DNAH8: variants seen among roughly 807,000 people sequenced by gnomAD.
DNAH8 encodes the protein dynein axonemal heavy chain 8, also known as axonemal beta dynein heavy chain 8.
A neutral mutation model predicts 562.1 loss-of-function variants in DNAH8; 382 were observed. The observed-to-expected ratio is 0.68, with a 90% CI of 0.63 to 0.74. The LOEUF (loss-of-function observed/expected upper bound fraction) is 0.74. Among genes scored for constraint, DNAH8 ranks in the 30% least tolerant of loss-of-function variants. The probability of loss-of-function intolerance (pLI) is 0.00; values close to 1 mark genes in which losing one functional copy is unlikely to be tolerated. For synonymous variants in DNAH8, 1,881 were observed against 1,919.4 expected (o/e 0.98, Z 0.52); for missense variants, 5,203 against 5,620.4 (o/e 0.93, Z 2.37).
chr6:38,783,494 A>C (rs1001917040), intron 17 of DNAH8, among the ~76,000 whole-genome samples: 2 of 152,138 alleles, frequency 1.3e-5, no homozygotes, highest in African/African-American at 4.8e-5. Flanking sequence ...GAGAGAAAAA[A>C]TTGCATCCTG....
At position 38,815,066 on chromosome 6, in the gene DNAH8, A is replaced by G. The variant is rs147366710; in HGVS notation, c.3334-402A>G. On this transcript the variant is annotated intron_variant, in intron 25 of 92. Coordinates refer to ENST00000327475, the MANE Select transcript of DNAH8 (RefSeq NM_001206927.2). The stretch of plus-strand genomic sequence containing the variant: ...TGGCACATTTCAAAGAACTGAGGTC[A>G]GAATCTTGGTGGTGTAGCTTCTTCA... Among the ~76,000 whole-genome samples the G allele has an allele frequency of 3.2e-3, 487 of 152,372 alleles. 2 individuals carry two copies. Among genetic ancestry groups the G allele is most frequent in the Admixed American group, 5.7e-3 (88 of 15,306 alleles).
At chr6:38,774,047 C>A (rs1440182263) in intron 12 of DNAH8, among the ~76,000 whole-genome samples, 2 of 152,136 alleles carry the variant, frequency 1.3e-5, no homozygotes, top group African/African-American at 4.8e-5. Context: ...TGAAACACAT[C>A]TTTTTATGGC....
chr6:38,902,358 G>T (rs770925889), intron 62 of DNAH8, among the ~76,000 whole-genome samples: 9 of 152,028 alleles, frequency 5.9e-5, no homozygotes, highest in Non-Finnish European at 1.3e-4. Flanking sequence ...GGCATCTCAT[G>T]GTGGATTAGA....
At chr6:38,819,010 G>T (rs1350001497) in intron 26 of DNAH8, among the ~76,000 whole-genome samples, 1 of 152,148 alleles carries the variant, frequency 6.6e-6, no homozygotes, top group Admixed American at 6.5e-5. Flanking sequence ...CAAACACAGT[G>T]CTGCCAGATG....
At chr6:38,857,918 A>G (rs1563015005) in intron 42 of DNAH8, among the ~76,000 whole-genome samples, 176 bp downstream of exon 42, 2 of 152,198 alleles carry the variant, frequency 1.3e-5, no homozygotes, top group African/African-American at 2.4e-5. Flanking sequence ...CAACCATATT[A>G]TATATTCATT....
At position 38,978,333 on chromosome 6, in the gene DNAH8, C is replaced by T. The variant is rs563035215; in HGVS notation, c.12834+3804C>T. On this transcript the variant is annotated intron_variant, in intron 85 of 92. Coordinates refer to ENST00000327475, the MANE Select transcript of DNAH8 (RefSeq NM_001206927.2). ...ATCTCACTATTAACAGTTCTTCATT[C>T]GGAAAAGTGTTTGCTTCCCCTACAT... Among the ~76,000 whole-genome samples, 6 of 152,254 alleles carry T rather than the reference C, an allele frequency of 3.9e-5. No homozygotes were observed. The South Asian group carries it at 1.2e-3, about 32-fold the overall frequency.
chr6:38,936,622 A>C (rs959451538), intron 77 of DNAH8, among the ~76,000 whole-genome samples: 1 of 152,264 alleles, frequency 6.6e-6, no homozygotes, highest in East Asian at 1.9e-4. Flanking sequence ...GCCTACTCGC[A>C]CTGCTCCCGC....
At chr6:38,904,667 C>T (rs1248352059) in intron 62 of DNAH8, among the ~76,000 whole-genome samples, 1 of 151,732 alleles carries the variant, frequency 6.6e-6, no homozygotes, top group Non-Finnish European at 1.5e-5. Context: ...TGACAGGCGC[C>T]TGTAATCCCA....
chr6:38,919,419 A>AT (rs983208271), intron 70 of DNAH8, among the ~76,000 whole-genome samples: 3 of 151,324 alleles, frequency 2.0e-5, no homozygotes, highest in Admixed American at 6.6e-5. Flanking sequence ...GATTCTTAAT[A>AT]TTTTTTTTTA....
intron 42 of DNAH8, among the ~76,000 whole-genome samples, chr6:38,858,735 T>C (rs1776387713): frequency 6.6e-6 from 1 of 152,234 alleles, no homozygotes; most frequent in Non-Finnish European, 1.5e-5. Flanking sequence ...ATCAGAAAGC[T>C]GCACACTTAT....
In DNAH8 at chr6:38,783,034, G is replaced by A. The variant is rs199536824; in HGVS notation, c.2290G>A (p.Gly764Ser). The A allele has an allele frequency of 2.7e-5, 43 of 1,613,700 alleles. No homozygotes were observed. The highest frequency in any genetic ancestry group is 2.0e-4 in the East Asian group (9 of 44,860). The change falls in exon 17 of 93, where the codon GGT becomes AGT. Residue 764 changes from glycine to serine, a missense_variant. Physicochemically the swap from Gly to Ser is moderately conservative, Grantham distance 56. Transcript: ENST00000327475. ...KNSDILSSPD[G>S]KAVIRQYNKI... ...CTCAGACATTTTATCAAGTCCGGACGGTAAAGCTGTCATCCGTCAGTATAA... is the reference window on the plus strand; with the variant it reads ...CTCAGACATTTTATCAAGTCCGGACAGTAAAGCTGTCATCCGTCAGTATAA...
At chr6:38,749,346 G>A (rs1237846441) in intron 8 of DNAH8, among the ~76,000 whole-genome samples, 3 of 151,942 alleles carry the variant, frequency 2.0e-5, no homozygotes, top group Admixed American at 6.6e-5. Flanking sequence ...CACAGGGAGG[G>A]GAACATCACA....
At chr6:38,926,350 AT>A in intron 74 of DNAH8, 140 bp downstream of exon 74, 3 of 846,102 alleles carry the variant, frequency 3.5e-6, no homozygotes, top group Non-Finnish European at 5.4e-6. Flanking sequence ...TGTAACAGCA[AT>A]TTGGGGCAAC....
intron 24 of DNAH8, 60 bp downstream of exon 24, chr6:38,807,776 CTT>C (rs1445459671): frequency 1.2e-5 from 10 of 818,326 alleles, no homozygotes; most frequent in Admixed American, 3.2e-5. Context: ...AATAGCACCT[CTT>C]ATAAATTTAT....
At chr6:38,881,561 T>TTA (rs1329192536) in intron 53 of DNAH8, among the ~76,000 whole-genome samples, 1 of 151,544 alleles carries the variant, frequency 6.6e-6, no homozygotes, top group African/African-American at 2.4e-5. Flanking sequence ...TTTTTTTTTT[T>TTA]TTTTTTGAGA....
intron 3 of DNAH8, among the ~76,000 whole-genome samples, chr6:38,726,663 G>C (rs1374737452): frequency 6.6e-6 from 1 of 152,062 alleles, no homozygotes; most frequent in Admixed American, 6.5e-5. Flanking sequence ...TACCCAGTAG[G>C]GAAACCAGTG....
At chr6:38,951,295 G>T in intron 81 of DNAH8, 23 bp from the exon 82 acceptor site, 1 of 1,603,928 alleles carries the variant, frequency 6.2e-7, no homozygotes, top group Non-Finnish European at 8.5e-7. Flanking sequence ...AGTTTATTTC[G>T]CCTAACTTGT....
At position 38,822,053 on chromosome 6, in the gene DNAH8, G is replaced by A. The variant is rs57321692; in HGVS notation, c.3524-785G>A. On this transcript the variant is annotated intron_variant, in intron 26 of 92. Coordinates refer to ENST00000327475, the MANE Select transcript of DNAH8 (RefSeq NM_001206927.2). The stretch of plus-strand genomic sequence containing the variant: ...ACACAGGCCGATTCCTCCACTGGCC[G>A]TCAAACAGCTAAAACTATAGGTGAA... 3.4e-3 allele frequency among the ~76,000 whole-genome samples: 522 copies of A among 152,190 alleles called. 4 individuals are homozygous for A. Among genetic ancestry groups the A allele is most frequent in the African/African-American group, 0.012 (482 of 41,526 alleles).
intron 4 of DNAH8, among the ~76,000 whole-genome samples, chr6:38,731,144 G>A (rs944955430): frequency 6.6e-6 from 1 of 152,152 alleles, no homozygotes; most frequent in African/African-American, 2.4e-5. Context: ...GTCTCTCACA[G>A]TTCCTATTGT....
Sources: allele counts gnomAD v4.1 joint callset (sites outside exome capture counted in the v4.1 genomes callset), GRCh38; gene constraint gnomAD v4.1.1; transcripts MANE v1.5; gene names NCBI Gene and HGNC (gene_info 2026-07-23, HGNC 2026-07-21).